The following ATP2B2 variants were observed in gnomAD, a reference collection of about 807,000 sequenced individuals.
ATP2B2 encodes the protein ATPase plasma membrane Ca2+ transporting 2, also known as plasma membrane calcium-transporting ATPase 2.
Under a neutral mutation model 120.0 loss-of-function variants are expected in ATP2B2, and 15 were observed. The observed-to-expected ratio is 0.12, with a 90% confidence interval of 0.08 to 0.19. The LOEUF (loss-of-function observed/expected upper bound fraction) is 0.19. Ranked by LOEUF, ATP2B2 falls within the 10% of genes least tolerant of loss-of-function variation. ATP2B2 has a pLI of 1.00. For missense variants in ATP2B2, 1,045 were observed against 1,719.8 expected (o/e 0.61, Z 6.94); for synonymous variants, 694 against 700.3 (o/e 0.99, Z 0.14).
At chr3:10,510,891 T>C (rs1304393480) in intron 3 of ATP2B2, among the ~76,000 whole-genome samples, 2 of 152,148 alleles carry the variant, frequency 1.3e-5, no homozygotes, top group African/African-American at 4.8e-5. Context: ...GACTCCTAAC[T>C]GTCCTCCCCC....
intron 14 of ATP2B2, among the ~76,000 whole-genome samples, chr3:10,351,881 C>A (rs188219054): frequency 6.6e-6 from 1 of 152,212 alleles, no homozygotes; most frequent in Non-Finnish European, 1.5e-5. Context: ...AGAGACAGCT[C>A]CTCCCTATCG....
At chr3:10,415,703 T>G (rs965363821) in intron 2 of ATP2B2, among the ~76,000 whole-genome samples, 2 of 152,218 alleles carry the variant, frequency 1.3e-5, no homozygotes, top group Admixed American at 1.3e-4. Flanking sequence ...GAGAGATGAA[T>G]GGCGTTCGAG....
rs1358515023 is a variant in ATP2B2 at position 10,347,527 on chromosome 3, C to T, written c.2405-1390G>A. ...GCTCCCTTGCAGCTCTACCCTCTTT[C>T]AGGCCCAGCTGCAGTGCCGTGTGTT... On this transcript the variant is annotated intron_variant, in intron 16 of 22. Transcript: ENST00000360273. The surrounding 1 kb of genome is among the most constrained non-coding windows in gnomAD (Gnocchi z 5.2). Among the ~76,000 whole-genome samples, 4 of 152,230 alleles carry T rather than the reference C, an allele frequency of 2.6e-5. No individual in the cohort carries two copies. Among genetic ancestry groups the T allele is most frequent in the Non-Finnish European group, 5.9e-5 (4 of 68,020 alleles).
At chr3:10,685,562 G>C in intron 1 of ATP2B2, among the ~76,000 whole-genome samples, 1 of 152,082 alleles carries the variant, frequency 6.6e-6, no homozygotes, top group East Asian at 1.9e-4. Context: ...CCCTGTGCAG[G>C]ACCACACACT....
intron 3 of ATP2B2, among the ~76,000 whole-genome samples, chr3:10,515,930 T>A (rs1192711251): frequency 6.6e-6 from 1 of 152,216 alleles, no homozygotes; most frequent in African/African-American, 2.4e-5. Flanking sequence ...AGTATCTCCA[T>A]CTTGTGTGGC....
At chr3:10,377,451 A>C (rs540772030) in intron 10 of ATP2B2, among the ~76,000 whole-genome samples, 1 of 152,170 alleles carries the variant, frequency 6.6e-6, no homozygotes, top group Non-Finnish European at 1.5e-5. Flanking sequence ...AGCTGGGGAG[A>C]CAGCCACAAA....
intron 19 of ATP2B2, among the ~76,000 whole-genome samples, chr3:10,341,352 C>G (rs1039487228): frequency 6.6e-6 from 1 of 152,040 alleles, no homozygotes; most frequent in Non-Finnish European, 1.5e-5. Flanking sequence ...TCGTTGTTGC[C>G]CAGGCTGGAG....
intron 2 of ATP2B2, among the ~76,000 whole-genome samples, chr3:10,436,214 T>G (rs2063475321): frequency 1.3e-5 from 2 of 152,258 alleles, no homozygotes; most frequent in African/African-American, 4.8e-5. Flanking sequence ...ATCAATTATA[T>G]AAACCTACAA....
At chr3:10,643,305 C>T (rs1030309229) in intron 1 of ATP2B2, among the ~76,000 whole-genome samples, 1 of 152,154 alleles carries the variant, frequency 6.6e-6, no homozygotes, top group Non-Finnish European at 1.5e-5. Flanking sequence ...CTTGAAGGAG[C>T]ATGCAGAGGC....
chr3:10,412,323 G>A (rs887720841), intron 2 of ATP2B2, among the ~76,000 whole-genome samples: 4 of 152,218 alleles, frequency 2.6e-5, no homozygotes, highest in Admixed American at 6.5e-5. Context: ...AAATTCAGGC[G>A]TGTGACCAGG....
rs115926317 is a variant in ATP2B2, at chr3:10,465,922, C to T, written c.-319-16060G>A. Among the ~76,000 whole-genome samples the T allele has an allele frequency of 7.1e-3, 1,087 of 152,230 alleles. 19 individuals carry two copies. The highest frequency in any genetic ancestry group is 0.025 in the African/African-American group (1,024 of 41,538). On this transcript the variant is annotated intron_variant, in intron 1 of 22. Transcript: ENST00000360273. ...ACCAGGTCCTTTACTGTGATGGTAC[C>T]GCAGGAAGAAGAGACACTTCTAGAA...
intron 1 of ATP2B2, among the ~76,000 whole-genome samples, chr3:10,668,630 C>T (rs537184806): frequency 2.2e-4 from 33 of 152,272 alleles, no homozygotes; most frequent in African/African-American, 7.9e-4. Context: ...CCTTCCTTGA[C>T]CTCCTTTTTA....
intron 2 of ATP2B2, among the ~76,000 whole-genome samples, chr3:10,614,908 G>A (rs988893936): frequency 6.6e-6 from 1 of 152,226 alleles, no homozygotes; most frequent in Non-Finnish European, 1.5e-5. Flanking sequence ...TTTGCTATAA[G>A]AGAATAAGAG....
At chr3:10,544,796 C>T (rs1011761568) in intron 2 of ATP2B2, among the ~76,000 whole-genome samples, 6 of 152,222 alleles carry the variant, frequency 3.9e-5, no homozygotes, top group African/African-American at 1.4e-4. Context: ...AGTCTTCCTC[C>T]AAAATCAAAT....
intron 1 of ATP2B2, among the ~76,000 whole-genome samples, chr3:10,480,269 G>A (rs1175210769): frequency 1.3e-5 from 2 of 152,188 alleles, no homozygotes; most frequent in African/African-American, 4.8e-5. Context: ...GTAAAATGAG[G>A]CTAACAACAC....
In ATP2B2 at chr3:10,541,876, A is replaced by G. The variant is rs145024468; in HGVS notation, c.-414-7743T>C. 1.5e-4 allele frequency among the ~76,000 whole-genome samples: 23 copies of G among 152,260 alleles called. No individual in the cohort carries two copies. The East Asian group carries it at 2.5e-3, about 17-fold the overall frequency. ...TGGGAGATGAGTGTTGAAGTCTCCA[A>G]TTGTAATTGTGGTCACTCCTATCAG... On this transcript the variant is annotated intron_variant, in intron 2 of 21. Transcript: ENST00000646379.
intron 22 of ATP2B2, among the ~76,000 whole-genome samples, chr3:10,333,359 ACTT>A (rs2060032558): frequency 6.6e-6 from 1 of 152,004 alleles, no homozygotes; most frequent in African/African-American, 2.4e-5. Context: ...GGGGCGGCCC[ACTT>A]CCTCATCCCA....
At chr3:10,684,698 T>C (rs1463334371) in intron 1 of ATP2B2, among the ~76,000 whole-genome samples, 1 of 152,222 alleles carries the variant, frequency 6.6e-6, no homozygotes, top group Non-Finnish European at 1.5e-5. Flanking sequence ...GCATCCAATA[T>C]GTCCGGATCA....
rs2125644257 is a variant in ATP2B2 at position 10,635,343 on chromosome 3, A to G, written c.-459-15382T>C. Among the ~76,000 whole-genome samples, 1 of 152,302 alleles carries G rather than the reference A, an allele frequency of 6.6e-6. No individual in the cohort carries two copies. Among genetic ancestry groups the G allele is most frequent in the Admixed American group, 6.5e-5 (1 of 15,296 alleles). On this transcript the variant is annotated intron_variant, in intron 1 of 21. Coordinates refer to the ATP2B2 transcript ENST00000646379. The surrounding 1 kb of genome is among the most constrained non-coding windows in gnomAD (Gnocchi z 4.3). ...TCTCTGGTTGAGAGTTCCAGTGGTT[A>G]GGAATGTTGCACCCCAAGTAATCAG... is the stretch of plus-strand genomic sequence containing the variant.
Sources: gnomAD v4.1 joint callset for allele counts (sites outside exome capture counted in the v4.1 genomes callset) on GRCh38, gnomAD v4.1.1 for gene constraint, Gnocchi (gnomAD v3.1) non-coding constraint, MANE v1.5 for transcripts, NCBI Gene and HGNC (gene_info 2026-07-23, HGNC 2026-07-21) for gene names.